HRH3: variants seen among roughly 807,000 people sequenced by gnomAD.
HRH3 encodes histamine H3 receptor.
In HRH3, 13 loss-of-function variants were observed where a neutral mutation model predicts 21.6. That is an observed-to-expected ratio of 0.60 (90% CI 0.39 to 0.96). The LOEUF (loss-of-function observed/expected upper bound fraction) is 0.96, where lower values mean the gene tolerates loss of function less well. Among genes scored for constraint, HRH3 ranks in the 40% least tolerant of loss-of-function variants. HRH3 has a pLI of 0.00. For synonymous variants in HRH3, 276 were observed against 290.3 expected, an observed-to-expected ratio of 0.95 and a Z score of 0.50; for missense variants, 461 against 622.7, an observed-to-expected ratio of 0.74 and a Z score of 2.76.
chr20:62,216,362 C>A lies in HRH3; in HGVS notation c.982G>T (p.Ala328Ser), dbSNP rs749247990. The change falls in exon 3 of 3, where the codon GCG (alanine) becomes TCG (serine). Residue 328 changes from alanine (A) to serine (S), a missense_variant. Physicochemically the swap from Ala to Ser is moderately conservative, Grantham distance 99. This residue lies in a region of HRH3 where 102 missense variants were observed against 166.6 expected (regional missense o/e 0.61). Transcript: ENST00000340177. ...CGCTTCTCCAGCGAGGCCGAGGACGCCGACGGCTTGGAGCCCCTCTTGAGT... is the reference window on the plus strand; with the variant it reads ...CGCTTCTCCAGCGAGGCCGAGGACGACGACGGCTTGGAGCCCCTCTTGAGT... The part of the protein sequence containing the change: ...RSLKRGSKPS[A>S]SSASLEKRMK... 46 of 1,577,572 alleles carry A rather than the reference C, an allele frequency of 2.9e-5. 1 individual carries two copies. In the Admixed American group the frequency reaches 6.2e-4, roughly 21 times the overall value.
Position 62,219,750 on chromosome 20 carries a change from A to G in HRH3, c.221T>C (p.Leu74Pro), listed in dbSNP as rs1307146880. Residue 74 changes from leucine to proline, a missense_variant, in exon 1 of 3, where the codon CTC becomes CCC. This residue lies in a region of HRH3 where 102 missense variants were observed against 155.6 expected (regional missense o/e 0.66). Coordinates refer to ENST00000340177, the MANE Select transcript of HRH3 (RefSeq NM_007232.3). This position sits in a 1 kb window ranked among gnomAD's most constrained non-coding sequence, Gnocchi z 8.7. ...GAGGAAGTCGGAGATGGCGAGGTTGAGCAGGAAGAAGTTGTTCTGGGTGCG... is the reference window on the plus strand; with the variant it reads ...GAGGAAGTCGGAGATGGCGAGGTTGGGCAGGAAGAAGTTGTTCTGGGTGCG... Reference protein sequence around the residue: ...SLRTQNNFFLLNLAISDFLVG... With the variant: ...SLRTQNNFFLPNLAISDFLVG... 2 of 1,604,038 alleles carry G rather than the reference A, an allele frequency of 1.2e-6. No homozygotes were observed. The highest frequency in any genetic ancestry group is 2.3e-5 in the East Asian group (1 of 44,262).
chr20:62,215,529 C>A lies in HRH3; in HGVS notation c.*477G>T. On this transcript the variant is annotated 3_prime_UTR_variant, in exon 3 of 3. Coordinates refer to ENST00000340177, the MANE Select transcript of HRH3 (RefSeq NM_007232.3). The stretch of plus-strand genomic sequence containing the variant: ...GAAAGGGCCAGGCCTGAGGCTTATG[C>A]AAGAGACAGAAGGCAGCAAAGGCAG... 1 of 452,008 alleles carries A rather than the reference C, an allele frequency of 2.2e-6. No individual in the cohort carries two copies. Among genetic ancestry groups the A allele is most frequent in the Admixed American group, 2.4e-5 (1 of 42,082 alleles). The allele number at this position is 452,008 out of a possible 1,614,324, so 28.0% of individuals were successfully genotyped here. A position where few individuals can be genotyped will look rare whatever the true frequency, so the allele number is the denominator to read the frequency against.
Position 62,219,767 on chromosome 20 carries a change from C to G in HRH3, c.204G>C (p.Gln68His). Residue 68 changes from glutamine to histidine, a missense_variant, in exon 1 of 3, where the codon CAG (glutamine) becomes CAC (histidine). Gln to His is a conservative substitution (Grantham distance 24). This residue lies in a region of HRH3 where 102 missense variants were observed against 155.6 expected (regional missense o/e 0.66). Transcript: ENST00000340177. The surrounding 1 kb of genome is among the most constrained non-coding windows in gnomAD (Gnocchi z 8.7). ...AFVADSSLRTQNNFFLLNLAI... is the reference protein window; with the variant it reads ...AFVADSSLRTHNNFFLLNLAI... Reference sequence around the variant, plus strand: ...CGAGGTTGAGCAGGAAGAAGTTGTTCTGGGTGCGGAGGCTCGAGTCGGCCA... The same window carrying G: ...CGAGGTTGAGCAGGAAGAAGTTGTTGTGGGTGCGGAGGCTCGAGTCGGCCA... The G allele has an allele frequency of 1.2e-6, 2 of 1,606,354 alleles. No individual in the cohort carries two copies. The highest frequency in any genetic ancestry group is 1.7e-6 in the Non-Finnish European group (2 of 1,176,782).
chr20:62,218,504 G>A lies in HRH3; in HGVS notation c.404C>T (p.Ser135Leu). The change falls in exon 2 of 3, where the codon TCG (serine) becomes TTG (leucine). Residue 135 changes from serine to leucine, a missense_variant. Coordinates refer to ENST00000340177, the MANE Select transcript of HRH3 (RefSeq NM_007232.3). The surrounding 1 kb of genome is among the most constrained non-coding windows in gnomAD (Gnocchi z 5.6). ...IVLISYDRFL[S>L]VTRAVSYRAQ... ...CCCAGGACTCACCGCTCGGGTGACC[G>A]ACAGGAAGCGGTCGTAGCTGATGAG... 7 of 1,611,656 alleles carry A rather than the reference G, an allele frequency of 4.3e-6. No homozygotes were observed. The highest frequency in any genetic ancestry group is 2.2e-5 in the East Asian group (1 of 44,868).
rs1396868767 is a variant in HRH3 at position 62,216,401 on chromosome 20, C to A, written c.943G>T (p.Glu315Ter). ...SSSGSSSRGT[E>*]RPRSLKRGSK... ...CCCCTCTTGAGTGAGCGCGGCCTCT[C>A]AGTGCCCCTCGAGGAGCTGCCGGAG... The change falls in exon 3 of 3, where the codon GAG (glutamate) becomes TAG (stop). Residue 315 changes from glutamate (E) to a stop codon, truncating the protein, a stop_gained. Coordinates refer to ENST00000340177, the MANE Select transcript of HRH3 (RefSeq NM_007232.3). LOFTEE classifies it high-confidence loss of function. The A allele has an allele frequency of 6.5e-7, 1 of 1,543,366 alleles. No homozygotes were observed. Among genetic ancestry groups the A allele is most frequent in the Non-Finnish European group, 8.8e-7 (1 of 1,140,796 alleles).
intron 2 of HRH3, among the ~76,000 whole-genome samples, chr20:62,217,330 G>A: frequency 6.6e-6 from 1 of 152,320 alleles, no homozygotes; most frequent in East Asian, 1.9e-4. Flanking sequence ...TCCTGCAAAG[G>A]CCCGAGCCAT....
chr20:62,220,069 G>A lies in HRH3; in HGVS notation c.-99C>T, dbSNP rs1347773651. On this transcript the variant is annotated 5_prime_UTR_variant, in exon 1 of 3. Transcript: ENST00000340177. ...CCGGCCCGGGAGCCTCGTCTTTGCG[G>A]GCCCTTGGCCGGGTCGGGTTCCCCT... 5.2e-6 allele frequency: 5 copies of A among 956,582 alleles called. No homozygotes were observed. The highest frequency in any genetic ancestry group is 5.2e-4 in the Middle Eastern group (1 of 1,906). The allele number at this position is 956,582 out of a possible 1,614,324, so 59.3% of individuals were successfully genotyped here.
Position 62,216,198 on chromosome 20 carries a change from G to A in HRH3, c.1146C>T (p.Ala382=), listed in dbSNP as rs201840302. Residue 382 remains alanine (A), a synonymous_variant, in exon 3 of 3, where the codon GCC becomes GCT. Transcript: ENST00000340177. ...APYTLLMIIR[A]ACHGHCVPDY... Reference sequence around the variant, plus strand: ...CAGGGACGCAGTGGCCATGGCAGGCGGCCCGGATGATCATCAGCAGCGTGT... The same window carrying A: ...CAGGGACGCAGTGGCCATGGCAGGCAGCCCGGATGATCATCAGCAGCGTGT... 33 of 1,613,160 alleles carry A rather than the reference G, an allele frequency of 2.0e-5. No homozygotes were observed. Among genetic ancestry groups the A allele is most frequent in the Middle Eastern group, 1.6e-4 (1 of 6,062 alleles).
In HRH3 at chr20:62,218,670, G is replaced by A. The variant is rs762342098; in HGVS notation, c.251-13C>T. ...ATGCAGAAGGCGCCTGTGGGGAGTA[G>A]GGCCACAGTGGGACCATGCAGCCAG... On this transcript the variant is annotated splice_polypyrimidine_tract_variant and intron_variant, in intron 1 of 2. Coordinates refer to ENST00000340177, the MANE Select transcript of HRH3 (RefSeq NM_007232.3). The surrounding 1 kb of genome is among the most constrained non-coding windows in gnomAD (Gnocchi z 5.6). The A allele has an allele frequency of 5.0e-6, 8 of 1,609,838 alleles. No homozygotes were observed. The Admixed American group carries it at 1.2e-4, about 23-fold the overall frequency.
Position 62,216,517 on chromosome 20 carries a change from C to T in HRH3, c.827G>A (p.Gly276Glu), listed in dbSNP as rs1323326218. 6 of 1,596,716 alleles carry T rather than the reference C, an allele frequency of 3.8e-6. No homozygotes were observed. The Admixed American group carries it at 6.8e-5, about 18-fold the overall frequency. Residue 276 changes from glycine to glutamate, a missense_variant, in exon 3 of 3, where the codon GGG becomes GAG. By Grantham distance (98) the Gly-to-Glu change is moderately conservative. Transcript: ENST00000340177. ...AGCGCCTACGGCCGCCTCACCCACC[C>T]CATACCTGTGCAGCGGCATGGCCTC... ...HGEAMPLHRY[G>E]VGEAAVGAEA... is the part of the protein sequence containing the mutation.
chr20:62,216,000 G>A lies in HRH3; in HGVS notation c.*6C>T. 6.4e-7 allele frequency: 1 copy of A among 1,555,946 alleles called. No homozygotes were observed. The highest frequency in any genetic ancestry group is 2.4e-5 in the East Asian group (1 of 42,186). ...GGCGTGGCTGAGGGAGGCTCTGGTG[G>A]GCCACTCACTTCCAGCAGTGCTCCA... is the stretch of plus-strand genomic sequence containing the variant. On this transcript the variant is annotated 3_prime_UTR_variant, in exon 3 of 3. Coordinates refer to ENST00000340177, the MANE Select transcript of HRH3 (RefSeq NM_007232.3).
rs1978688928 is a variant in HRH3 at position 62,218,850 on chromosome 20, G to A, written c.251-193C>T. Among the ~76,000 whole-genome samples, 3 of 151,238 alleles carry A rather than the reference G, an allele frequency of 2.0e-5. No homozygotes were observed. Among genetic ancestry groups the A allele is most frequent in the African/African-American group, 7.3e-5 (3 of 41,080 alleles). On this transcript the variant is annotated intron_variant, in intron 1 of 2. Transcript: ENST00000340177. The surrounding 1 kb of genome is among the most constrained non-coding windows in gnomAD (Gnocchi z 5.6). Reference sequence around the variant, plus strand: ...TGCCGCCAGCCTTCACCCCCACATAGCTCCCAGCACTATCTGTGTCCCCTG... The same window carrying A: ...TGCCGCCAGCCTTCACCCCCACATAACTCCCAGCACTATCTGTGTCCCCTG...
rs1166352235 is a variant in HRH3, at chr20:62,216,373, G to C, written c.971C>G (p.Ser324Cys). ...TERPRSLKRG[S>C]KPSASSASLE... ...CGAGGCCGAGGACGCCGACGGCTTG[G>C]AGCCCCTCTTGAGTGAGCGCGGCCT... The change falls in exon 3 of 3, where the codon TCC (serine) becomes TGC (cysteine). Residue 324 changes from serine (S) to cysteine (C), a missense_variant. This residue lies in a region of HRH3 where 102 missense variants were observed against 166.6 expected (regional missense o/e 0.61). Coordinates refer to ENST00000340177, the MANE Select transcript of HRH3 (RefSeq NM_007232.3). The C allele has an allele frequency of 6.4e-7, 1 of 1,567,438 alleles. No homozygotes were observed. The highest frequency in any genetic ancestry group is 1.4e-5 in the African/African-American group (1 of 73,952).
chr20:62,215,480 G>A lies in HRH3; in HGVS notation c.*526C>T. 1 of 457,476 alleles carries A rather than the reference G, an allele frequency of 2.2e-6. No homozygotes were observed. The highest frequency in any genetic ancestry group is 1.5e-5 in the South Asian group (1 of 64,564). 28.3% of individuals were successfully genotyped at this position (457,476 alleles called of 1,614,324 possible). A position where few individuals can be genotyped will look rare whatever the true frequency, so the allele number is the denominator to read the frequency against. ...GGGCCCCTTGACACTTTTGGGGGCA[G>A]AGAGAGTTGGTGGGAAGAGGGGTGA... On this transcript the variant is annotated 3_prime_UTR_variant, in exon 3 of 3. Coordinates refer to ENST00000340177, the MANE Select transcript of HRH3 (RefSeq NM_007232.3).
intron 2 of HRH3, among the ~76,000 whole-genome samples, chr20:62,217,881 C>G (rs1978644610): frequency 6.6e-6 from 1 of 152,228 alleles, no homozygotes; most frequent in Admixed American, 6.5e-5. Context: ...CACCCTGTCT[C>G]TTAGCCTTTC....
In HRH3 at chr20:62,216,200, C is replaced by G; in HGVS notation, c.1144G>C (p.Ala382Pro). The change falls in exon 3 of 3, where the codon GCC becomes CCC. Residue 382 changes from alanine (A) to proline (P), a missense_variant. Physicochemically the swap from Ala to Pro is conservative, Grantham distance 27 (BLOSUM62 -1). Around this residue, in one of 6 missense-constraint regions of HRH3, gnomAD observed 102 missense variants for 166.6 expected, o/e 0.61. Transcript: ENST00000340177. ...GGGACGCAGTGGCCATGGCAGGCGG[C>G]CCGGATGATCATCAGCAGCGTGTAT... Reference protein sequence around the residue: ...APYTLLMIIRAACHGHCVPDY... With the variant: ...APYTLLMIIRPACHGHCVPDY... 1.9e-6 allele frequency: 3 copies of G among 1,613,116 alleles called. No homozygotes were observed. Among genetic ancestry groups the G allele is most frequent in the Non-Finnish European group, 2.5e-6 (3 of 1,179,992 alleles).
chr20:62,216,960 G>A, intron 2 of HRH3, 34 bp from the exon 3 acceptor site: 3 of 1,551,588 alleles, frequency 1.9e-6, no homozygotes. Flanking sequence ...GGGCGGGGCG[G>A]AAGGAATATT....
In HRH3 at chr20:62,216,879, C is replaced by A; in HGVS notation, c.465G>T (p.Lys155Asn). Residue 155 changes from lysine to asparagine, a missense_variant, in exon 3 of 3, where the codon AAG becomes AAT. Lys to Asn is a moderately conservative substitution (Grantham distance 94). Transcript: ENST00000340177. ...QQGDTRRAVR[K>N]MLLVWVLAFL... Reference sequence around the variant, plus strand: ...AGGCCAGCACCCACACCAGCAGCATCTTCCGCACTGCCCGCCGCGTGTCAC... The same window carrying A: ...AGGCCAGCACCCACACCAGCAGCATATTCCGCACTGCCCGCCGCGTGTCAC... 6.2e-7 allele frequency: 1 copy of A among 1,611,370 alleles called. No individual in the cohort carries two copies. Among genetic ancestry groups the A allele is most frequent in the Non-Finnish European group, 8.5e-7 (1 of 1,178,972 alleles).
Position 62,215,199 on chromosome 20 carries a change from G to T in HRH3, c.*807C>A. The T allele has an allele frequency of 2.6e-6, 1 of 388,068 alleles. No homozygotes were observed. Among genetic ancestry groups the T allele is most frequent in the Non-Finnish European group, 5.2e-6 (1 of 193,552 alleles). The allele number at this position is 388,068 out of a possible 1,614,324, so 24.0% of individuals were successfully genotyped here. A position where few individuals can be genotyped will look rare whatever the true frequency, so the allele number is the denominator to read the frequency against. ...TGGGTGAGCAAACAGAGTGGCCGGG[G>T]CAGGCTTGGCCACCAGGGCTGGTGT... is the stretch of plus-strand genomic sequence containing the variant. On this transcript the variant is annotated 3_prime_UTR_variant, in exon 3 of 3. Coordinates refer to ENST00000340177, the MANE Select transcript of HRH3 (RefSeq NM_007232.3).
Sources: gnomAD v4.1 joint callset for allele counts (sites outside exome capture counted in the v4.1 genomes callset) on GRCh38, gnomAD v4.1.1 for gene constraint, gnomAD v4.1.1 regional missense constraint, Gnocchi (gnomAD v3.1) non-coding constraint, MANE v1.5 for transcripts, NCBI Gene and HGNC (gene_info 2026-07-23, HGNC 2026-07-21) for gene names.